The following STK32B variants were observed in gnomAD, a reference collection of about 807,000 sequenced individuals.
The protein encoded by STK32B is serine/threonine-protein kinase 32B.
STK32B carries 43 observed loss-of-function variants against 52.6 expected under a neutral mutation model. The observed-to-expected ratio is 0.82, with a 90% CI of 0.64 to 1.05. STK32B has a LOEUF of 1.05. STK32B is among the 50% of genes least tolerant of loss of function. STK32B has a pLI of 0.00. For missense variants in STK32B, 621 were observed against 534.6 expected, an observed-to-expected ratio of 1.16 and a Z score of -1.59; for synonymous variants, 238 against 204.3, an observed-to-expected ratio of 1.17 and a Z score of -1.41.
chr4:5,313,053 T>C (rs554324278), intron 3 of STK32B, among the ~76,000 whole-genome samples: 63 of 151,856 alleles, frequency 4.1e-4, no homozygotes, highest in African/African-American at 1.4e-3. Context: ...CTCATGAATA[T>C]AGATGCAAAA....
At chr4:5,071,966 A>G (rs996004404) in intron 1 of STK32B, among the ~76,000 whole-genome samples, 10 of 152,130 alleles carry the variant, frequency 6.6e-5, no homozygotes, top group African/African-American at 1.2e-4. Context: ...CAGGTTGCCA[A>G]TTTGATTTGT....
intron 4 of STK32B, among the ~76,000 whole-genome samples, chr4:5,347,052 A>C (rs1272144617): frequency 1.3e-5 from 2 of 152,202 alleles, no homozygotes; most frequent in Non-Finnish European, 2.9e-5. Context: ...GTCACCTCCC[A>C]CTAGGTCCCT....
At chr4:5,025,100 C>T in the STK32B span, among the ~76,000 whole-genome samples, 7 of 151,390 alleles carry the variant, frequency 4.6e-5, no homozygotes, top group East Asian at 3.9e-4. Context: ...CAGAGACCTC[C>T]GAGTATGGGA....
intron 4 of STK32B, among the ~76,000 whole-genome samples, chr4:5,360,840 G>A (rs1313244169): frequency 6.6e-6 from 1 of 152,120 alleles, no homozygotes; most frequent in African/African-American, 2.4e-5. Flanking sequence ...AAAAACAAAA[G>A]CTGTGGTAAA....
chr4:5,283,746 T>C (rs6811705), intron 3 of STK32B, among the ~76,000 whole-genome samples: 30,405 of 152,074 alleles, frequency 0.2, 6,310 homozygotes, highest in African/African-American at 0.53. Flanking sequence ...TGGCAATCTT[T>C]AGAAATAATG....
At chr4:5,126,401 T>G (rs970041815) in intron 1 of STK32B, among the ~76,000 whole-genome samples, 1 of 152,194 alleles carries the variant, frequency 6.6e-6, no homozygotes. Context: ...AGGCCAGCCC[T>G]GCTGAGCGTG....
intron 3 of STK32B, among the ~76,000 whole-genome samples, chr4:5,251,744 T>C (rs1352815804): frequency 6.6e-6 from 1 of 152,242 alleles, no homozygotes; most frequent in Non-Finnish European, 1.5e-5. Context: ...TCATCTCTGA[T>C]TTCTTTCAGC....
intron 3 of STK32B, among the ~76,000 whole-genome samples, chr4:5,297,569 A>G (rs907065719): frequency 2.0e-5 from 3 of 146,368 alleles, no homozygotes; most frequent in Admixed American, 6.8e-5. Context: ...TGATTCTGCT[A>G]TTTATACTTG....
chr4:5,264,774 G>A, intron 3 of STK32B, among the ~76,000 whole-genome samples: 1 of 150,968 alleles, frequency 6.6e-6, no homozygotes, highest in East Asian at 1.9e-4. Flanking sequence ...GCAACAGAGC[G>A]AGACTCCATC....
intron 1 of STK32B, among the ~76,000 whole-genome samples, chr4:5,105,702 C>T (rs1363713798): frequency 4.0e-5 from 6 of 151,764 alleles, no homozygotes; most frequent in East Asian, 2.0e-4. Context: ...CAGCTGGGAC[C>T]ACAGGCGCCC....
intron 4 of STK32B, among the ~76,000 whole-genome samples, chr4:5,368,840 A>T (rs1223577519): frequency 6.6e-6 from 1 of 152,180 alleles, no homozygotes; most frequent in Non-Finnish European, 1.5e-5. Flanking sequence ...CTCCGCAGGA[A>T]GCTCATTCAT....
At chr4:5,146,476 C>T (rs1031887547) in intron 2 of STK32B, among the ~76,000 whole-genome samples, 2 of 152,158 alleles carry the variant, frequency 1.3e-5, no homozygotes, top group African/African-American at 4.8e-5. Context: ...CAGTTTCTTG[C>T]ACCTTCTTCT....
At chr4:5,147,730 A>T (rs945530240) in intron 2 of STK32B, among the ~76,000 whole-genome samples, 1 of 151,988 alleles carries the variant, frequency 6.6e-6, no homozygotes, top group Non-Finnish European at 1.5e-5. Flanking sequence ...TAATTTCCAA[A>T]TTTTAAACCA....
chr4:5,252,143 G>A (rs1725977881), intron 3 of STK32B, among the ~76,000 whole-genome samples: 1 of 152,102 alleles, frequency 6.6e-6, no homozygotes, highest in South Asian at 2.1e-4. Flanking sequence ...AATTTAAAAA[G>A]AGTAGTTTCT....
rs1403257493 is a variant in STK32B at position 5,184,699 on chromosome 4, AAG to A, written c.260+16251_260+16252del. On this transcript the variant is annotated intron_variant, in intron 3 of 11. Transcript: ENST00000282908. ...GAGACTGTCTCAAAAAAAAAAAAAG[AAG>A]AAGAAGAAGAAAAAGAAAACAAAGA... Among the ~76,000 whole-genome samples, 10 of 133,670 alleles carry A rather than the reference AAG, an allele frequency of 7.5e-5. 1 individual carries two copies. The highest frequency in any genetic ancestry group is 5.0e-5 in the Non-Finnish European group (3 of 59,478). 87.7% of individuals were successfully genotyped at this position (133,670 alleles called of 152,430 possible).
At chr4:5,119,150 G>C (rs1356524750) in intron 1 of STK32B, among the ~76,000 whole-genome samples, 1 of 152,224 alleles carries the variant, frequency 6.6e-6, no homozygotes, top group Admixed American at 6.5e-5. Flanking sequence ...GGGAACGCGG[G>C]CTGCAGGCTC....
At chr4:5,297,127 G>A (rs1450385645) in intron 3 of STK32B, among the ~76,000 whole-genome samples, 1 of 152,104 alleles carries the variant, frequency 6.6e-6, no homozygotes, top group Non-Finnish European at 1.5e-5. Context: ...TGTCTTGTAG[G>A]GTTTCCGCAG....
At chr4:5,348,557 C>T (rs575114453) in intron 4 of STK32B, among the ~76,000 whole-genome samples, 29 of 152,256 alleles carry the variant, frequency 1.9e-4, no homozygotes, top group Non-Finnish European at 3.8e-4. Context: ...GGACAAATTC[C>T]CACCCACTGC....
At chr4:5,242,588 C>G (rs989931285) in intron 3 of STK32B, among the ~76,000 whole-genome samples, 1 of 152,132 alleles carries the variant, frequency 6.6e-6, no homozygotes. Flanking sequence ...TTAATTAGAT[C>G]CCATTTGTCA....
Sources: gnomAD v4.1 joint callset for allele counts (sites outside exome capture counted in the v4.1 genomes callset) on GRCh38, gnomAD v4.1.1 for gene constraint, MANE v1.5 for transcripts, NCBI Gene and HGNC (gene_info 2026-07-23, HGNC 2026-07-21) for gene names.